Variants in SLC11A2 observed in about 807,000 individuals in gnomAD.
SLC11A2 encodes solute carrier family 11 member 2, also known as natural resistance-associated macrophage protein 2.
In SLC11A2, 38 loss-of-function variants were observed where a neutral mutation model predicts 68.0. The observed-to-expected ratio is 0.56, with a 90% CI of 0.43 to 0.73. The LOEUF is 0.73. SLC11A2 is among the 30% of genes least tolerant of loss of function. SLC11A2 has a pLI of 0.00. For synonymous variants in SLC11A2, 242 were observed against 250.6 expected (o/e 0.97, Z 0.32); for missense variants, 517 against 690.5 (o/e 0.75, Z 2.82).
intron 8 of SLC11A2, 45 bp downstream of exon 8, chr12:50,999,129 C>CAAA: frequency 6.9e-7 from 1 of 1,453,996 alleles, no homozygotes; most frequent in Non-Finnish European, 9.6e-7. Flanking sequence ...AAAAAAACCA[C>CAAA]AAAAACTTAT....
chr12:50,993,687 G>A (rs1466694748), intron 11 of SLC11A2, among the ~76,000 whole-genome samples: 1 of 151,928 alleles, frequency 6.6e-6, no homozygotes, highest in Non-Finnish European at 1.5e-5. Flanking sequence ...AATTAGCCAG[G>A]TGTGGTGGTA....
chr12:50,993,342 C>T (rs1399689728), intron 11 of SLC11A2, among the ~76,000 whole-genome samples: 1 of 152,066 alleles, frequency 6.6e-6, no homozygotes, highest in African/African-American at 2.4e-5. Flanking sequence ...GTTGGAGGAT[C>T]ACAATGTAAC....
chr12:51,023,574 G>A lies in SLC11A2; in HGVS notation c.-39+2736C>T, dbSNP rs867398310. On this transcript the variant is annotated intron_variant, in intron 1 of 15. Coordinates refer to ENST00000262052, the MANE Select transcript of SLC11A2 (RefSeq NM_000617.3). ...CCCAGAATGTTTTACTCAAACTACA[G>A]AGCCTCAGAGAGATGATAATAATGA... 6.6e-5 allele frequency among the ~76,000 whole-genome samples: 10 copies of A among 152,238 alleles called. No homozygotes were observed. In the South Asian group the frequency reaches 1.0e-3, roughly 16 times the overall value.
At chr12:50,970,480 C>T in the SLC11A2 span, 27 of 1,534,242 alleles carry the variant, frequency 1.8e-5, no homozygotes, top group Middle Eastern at 5.4e-4. Flanking sequence ...CATTAGACCA[C>T]GATTCTTCAG....
intron 3 of SLC11A2, 184 bp downstream of exon 3, chr12:51,008,292 A>C: frequency 1.8e-6 from 1 of 559,760 alleles, no homozygotes; most frequent in Non-Finnish European, 3.2e-6. Flanking sequence ...AGATAGATAG[A>C]TATAGATGGG....
At chr12:50,953,992 G>A in the SLC11A2 span, 151 of 1,586,558 alleles carry the variant, frequency 9.5e-5, 1 homozygote, top group African/African-American at 1.9e-3. Context: ...TGTTACTAGA[G>A]AAAAAAATGT....
At chr12:50,955,271 G>C in the SLC11A2 span, among the ~76,000 whole-genome samples, 2 of 152,094 alleles carry the variant, frequency 1.3e-5, no homozygotes, top group African/African-American at 4.8e-5. Context: ...ATAAAAAAGA[G>C]AGATACTATA....
At chr12:51,008,240 A>C (rs1433175967) in intron 3 of SLC11A2, 16 of 424,370 alleles carry the variant, frequency 3.8e-5, no homozygotes, top group African/African-American at 2.5e-4. Context: ...ATAGATAGAT[A>C]GATAGATAGA....
chr12:50,970,676 A>G, the SLC11A2 span, among the ~76,000 whole-genome samples: 1 of 152,358 alleles, frequency 6.6e-6, no homozygotes, highest in East Asian at 1.9e-4. Context: ...ATCAACAATC[A>G]TAAACAGTCA....
chr12:50,970,497 CA>C, the SLC11A2 span: 10 of 1,525,722 alleles, frequency 6.6e-6, no homozygotes, highest in South Asian at 1.2e-5. Context: ...TCAGTGAGTC[CA>C]AAAAATGAAG....
At chr12:50,990,129 C>A (rs574523401) in intron 15 of SLC11A2, among the ~76,000 whole-genome samples, 1 of 152,076 alleles carries the variant, frequency 6.6e-6, no homozygotes, top group Non-Finnish European at 1.5e-5. Context: ...ATTTTACATA[C>A]CTTTTTCATG....
chr12:50,969,772 G>A, the SLC11A2 span, among the ~76,000 whole-genome samples: 1 of 151,964 alleles, frequency 6.6e-6, no homozygotes, highest in African/African-American at 2.4e-5. Flanking sequence ...ACTCAGAAGA[G>A]GGATCTAATT....
intron 15 of SLC11A2, among the ~76,000 whole-genome samples, chr12:50,989,053 G>T (rs1157519217): frequency 6.6e-6 from 1 of 152,126 alleles, no homozygotes; most frequent in Non-Finnish European, 1.5e-5. Flanking sequence ...GTTCTCGGAA[G>T]TCCACTTTTC....
chr12:51,008,696 C>T, intron 2 of SLC11A2, 72 bp from the exon 3 acceptor site: 1 of 1,240,324 alleles, frequency 8.1e-7, no homozygotes, highest in Non-Finnish European at 1.2e-6. Flanking sequence ...CCTTAGTATA[C>T]TGAAATTAAA....
upstream of SLC11A2, among the ~76,000 whole-genome samples, chr12:51,027,450 A>G (rs1944437677): frequency 6.6e-6 from 1 of 151,514 alleles, no homozygotes; most frequent in African/African-American, 2.4e-5. Context: ...ACCGAGAAAC[A>G]TCAGCTAGTG....
chr12:51,011,708 G>A (rs1215470890), intron 1 of SLC11A2, among the ~76,000 whole-genome samples: 2 of 151,854 alleles, frequency 1.3e-5, no homozygotes, highest in Non-Finnish European at 2.9e-5. Flanking sequence ...GATTACAGGC[G>A]TGTGCCACCA....
upstream of SLC11A2, chr12:51,028,322 G>T: frequency 2.3e-6 from 2 of 870,334 alleles, no homozygotes; most frequent in South Asian, 3.1e-5. Context: ...ACTTTTGGGT[G>T]CTCTAAGCAA....
chr12:51,023,249 C>T (rs993678024), intron 1 of SLC11A2, among the ~76,000 whole-genome samples: 5 of 152,176 alleles, frequency 3.3e-5, no homozygotes, highest in Non-Finnish European at 5.9e-5. Flanking sequence ...GAGTTCAAGA[C>T]CAGCCTGGGC....
downstream of SLC11A2, among the ~76,000 whole-genome samples, chr12:50,984,883 G>A (rs1940398765): frequency 6.6e-6 from 1 of 152,154 alleles, no homozygotes; most frequent in South Asian, 2.1e-4. Flanking sequence ...AAAGCTTGGT[G>A]ACAACCCAAC....
Sources: allele counts gnomAD v4.1 joint callset (sites outside exome capture counted in the v4.1 genomes callset), GRCh38; gene constraint gnomAD v4.1.1; transcripts MANE v1.5; gene names NCBI Gene and HGNC (gene_info 2026-07-23, HGNC 2026-07-21).